PRELID2: variants seen among roughly 807,000 people sequenced by gnomAD.
The protein encoded by PRELID2 is PRELI domain-containing protein 2.
In PRELID2, 25 loss-of-function variants were observed where a neutral mutation model predicts 28.4. The ratio of observed to expected loss-of-function variants is 0.88; its 90% CI spans 0.64 to 1.23. The LOEUF (loss-of-function observed/expected upper bound fraction) is 1.23, where lower values mean the gene tolerates loss of function less well. PRELID2 is among the 50% of genes most tolerant of loss of function. The probability of loss-of-function intolerance (pLI) is 0.00; values close to 1 mark genes in which losing one functional copy is unlikely to be tolerated. For missense variants in PRELID2, 201 were observed against 214.4 expected, an observed-to-expected ratio of 0.94 and a Z score of 0.39; for synonymous variants, 76 against 71.6, an observed-to-expected ratio of 1.06 and a Z score of -0.31.
chr5:145,623,097 G>A (rs1374708910), intron 1 of PRELID2, among the ~76,000 whole-genome samples: 3 of 152,052 alleles, frequency 2.0e-5, no homozygotes, highest in African/African-American at 4.8e-5. Flanking sequence ...AAAATAATAA[G>A]ATAGTTTGGT....
rs10052821 is a variant in PRELID2, at chr5:145,788,560, G to T, written c.474+7882C>A. ...AGAATTGAGAAAAATTCACAGAAATGGTATACCCCATTGCTGTCATGCACA... is the reference window on the plus strand; with the variant it reads ...AGAATTGAGAAAAATTCACAGAAATTGTATACCCCATTGCTGTCATGCACA... On this transcript the variant is annotated intron_variant, in intron 5 of 6. Transcript: ENST00000683046. Among the ~76,000 whole-genome samples the T allele has an allele frequency of 8.8e-3, 1,334 of 152,202 alleles. 24 individuals are homozygous for T. Among genetic ancestry groups the T allele is most frequent in the African/African-American group, 0.031 (1,274 of 41,538 alleles).
the PRELID2 span, among the ~76,000 whole-genome samples, chr5:145,309,232 T>C: frequency 6.6e-6 from 1 of 152,186 alleles, no homozygotes; most frequent in South Asian, 2.1e-4. Context: ...ATTAGCAGAT[T>C]GGTGTTCTTG....
the PRELID2 span, among the ~76,000 whole-genome samples, chr5:145,305,571 C>G: frequency 9.9e-5 from 15 of 152,126 alleles, no homozygotes; most frequent in Non-Finnish European, 1.9e-4. Flanking sequence ...CAACTACTCA[C>G]CAGCATAGTC....
At chr5:145,740,924 C>CTATAAATATATAT (rs1756690926) in intron 1 of PRELID2, among the ~76,000 whole-genome samples, 5 of 42,714 alleles carry the variant, frequency 1.2e-4, no homozygotes, top group Non-Finnish European at 1.1e-4. Context: ...ATATATTTAT[C>CTATAAATATATAT]GATAAATATA....
At chr5:145,533,316 T>C (rs933740222) in intron 1 of PRELID2, among the ~76,000 whole-genome samples, 3 of 151,994 alleles carry the variant, frequency 2.0e-5, no homozygotes, top group African/African-American at 7.2e-5. Flanking sequence ...ACCAAAACAG[T>C]ATAGACAGAA....
At chr5:145,784,191 C>T (rs1318501372) in intron 5 of PRELID2, among the ~76,000 whole-genome samples, 2 of 130,892 alleles carry the variant, frequency 1.5e-5, no homozygotes, top group Non-Finnish European at 3.2e-5. Context: ...GGTTGAGGCA[C>T]AAGAATTGTT....
At chr5:145,817,084 A>G (rs1754356795) in intron 4 of PRELID2, among the ~76,000 whole-genome samples, 1 of 150,742 alleles carries the variant, frequency 6.6e-6, no homozygotes, top group Non-Finnish European at 1.5e-5. Context: ...CCTGCTTCTC[A>G]GGAGGCTGAG....
chr5:145,348,775 G>A, the PRELID2 span, among the ~76,000 whole-genome samples: 2 of 151,940 alleles, frequency 1.3e-5, no homozygotes, highest in Non-Finnish European at 2.9e-5. Flanking sequence ...TCCATGAAAA[G>A]GCATTATCAC....
chr5:145,345,899 TG>T, the PRELID2 span, among the ~76,000 whole-genome samples: 1 of 151,734 alleles, frequency 6.6e-6, no homozygotes, highest in Non-Finnish European at 1.5e-5. Context: ...AAATACACTG[TG>T]GGGGGAGGCA....
chr5:145,268,360 A>T, the PRELID2 span, among the ~76,000 whole-genome samples: 4 of 151,954 alleles, frequency 2.6e-5, no homozygotes, highest in African/African-American at 9.7e-5. Flanking sequence ...CTTCATGTGG[A>T]TATCTACTTT....
chr5:145,751,311 C>T (rs1757116941), intron 1 of PRELID2, among the ~76,000 whole-genome samples: 1 of 152,198 alleles, frequency 6.6e-6, no homozygotes, highest in Non-Finnish European at 1.5e-5. Flanking sequence ...TTCTGCAGAA[C>T]ATGGAAATTT....
At chr5:145,403,642 A>G in the PRELID2 span, among the ~76,000 whole-genome samples, 1 of 152,208 alleles carries the variant, frequency 6.6e-6, no homozygotes, top group Non-Finnish European at 1.5e-5. Context: ...ATGTACCAGG[A>G]GCTATACTAA....
intron 4 of PRELID2, among the ~76,000 whole-genome samples, chr5:145,804,114 G>C (rs545884062): frequency 1.3e-5 from 2 of 152,180 alleles, no homozygotes; most frequent in African/African-American, 4.8e-5. Context: ...AACAGGGTAT[G>C]CCATAACATT....
chr5:145,250,062 G>A, the PRELID2 span, among the ~76,000 whole-genome samples: 2 of 151,726 alleles, frequency 1.3e-5, no homozygotes, highest in African/African-American at 4.8e-5. Flanking sequence ...TATAGATCTA[G>A]AATTTTTCAA....
At chr5:145,263,166 T>G in the PRELID2 span, among the ~76,000 whole-genome samples, 7,601 of 152,070 alleles carry the variant, frequency 0.05, 332 homozygotes, top group African/African-American at 0.11. Context: ...CATCTAACAC[T>G]AAAGCTTCAA....
intron 1 of PRELID2, among the ~76,000 whole-genome samples, chr5:145,738,261 TA>T (rs138695707): frequency 0.023 from 3,564 of 152,152 alleles, 92 homozygotes; most frequent in East Asian, 0.076. Context: ...ATTCATAACA[TA>T]ATACCCAAAA....
the PRELID2 span, among the ~76,000 whole-genome samples, chr5:145,423,565 G>T: frequency 1.4e-5 from 2 of 139,242 alleles, no homozygotes; most frequent in East Asian, 2.0e-4. Context: ...CGTAGTTCTC[G>T]AGCCTTGGTT....
chr5:145,311,048 A>T, the PRELID2 span, among the ~76,000 whole-genome samples: 1 of 152,330 alleles, frequency 6.6e-6, no homozygotes, highest in African/African-American at 2.4e-5. Flanking sequence ...TCTGATGTAT[A>T]AGTAAAATCG....
chr5:145,550,180 G>A (rs1026140554), intron 1 of PRELID2, among the ~76,000 whole-genome samples: 1 of 152,140 alleles, frequency 6.6e-6, no homozygotes, highest in Non-Finnish European at 1.5e-5. Flanking sequence ...TGAACCCTGT[G>A]GTATGAACTA....
Sources: gnomAD v4.1 joint callset for allele counts (sites outside exome capture counted in the v4.1 genomes callset) on GRCh38, gnomAD v4.1.1 for gene constraint, MANE v1.5 for transcripts, NCBI Gene and HGNC (gene_info 2026-07-23, HGNC 2026-07-21) for gene names.